The following CDH12 variants were observed in gnomAD, a reference collection of about 807,000 sequenced individuals.
CDH12 encodes cadherin 12.
Under a neutral mutation model 74.1 loss-of-function variants are expected in CDH12, and 41 were observed. The observed-to-expected ratio is 0.55, with a 90% CI of 0.43 to 0.72. The LOEUF is 0.72. CDH12 is among the 30% of genes least tolerant of loss of function. The pLI is 0.00. For synonymous variants in CDH12, 399 were observed against 355.0 expected (o/e 1.12, Z -1.39); for missense variants, 945 against 977.2 (o/e 0.97, Z 0.44).
intron 5 of CDH12, among the ~76,000 whole-genome samples, chr5:21,984,912 C>T (rs1410728483): frequency 6.6e-6 from 1 of 152,072 alleles, no homozygotes; most frequent in Non-Finnish European, 1.5e-5. Flanking sequence ...TATTTCAGCA[C>T]CAGTTTTCTG....
intron 4 of CDH12, among the ~76,000 whole-genome samples, chr5:22,088,223 T>G (rs1180314991): frequency 6.6e-6 from 1 of 152,146 alleles, no homozygotes; most frequent in African/African-American, 2.4e-5. Flanking sequence ...TGGTCTTAAG[T>G]GTATTCAGCA....
chr5:21,949,222 G>A lies in CDH12; in HGVS notation c.526+25869C>T, dbSNP rs868183861. 5.9e-5 allele frequency among the ~76,000 whole-genome samples: 9 copies of A among 151,738 alleles called. No homozygotes were observed. The East Asian group carries it at 1.4e-3, about 23-fold the overall frequency. Reference sequence around the variant, plus strand: ...TTATTAAAAGAAATAGGCCCGAGGCGGGCAGATCACGAGGTCAGGAGATCG... The same window carrying A: ...TTATTAAAAGAAATAGGCCCGAGGCAGGCAGATCACGAGGTCAGGAGATCG... On this transcript the variant is annotated intron_variant, in intron 6 of 14. Transcript: ENST00000382254.
At chr5:22,349,979 T>C (rs1188368440) in intron 3 of CDH12, among the ~76,000 whole-genome samples, 1 of 152,214 alleles carries the variant, frequency 6.6e-6, no homozygotes, top group Non-Finnish European at 1.5e-5. Flanking sequence ...GCAAACCTTT[T>C]GGGAGCAACA....
At chr5:22,149,041 C>T (rs1747400549) in intron 4 of CDH12, among the ~76,000 whole-genome samples, 1 of 152,096 alleles carries the variant, frequency 6.6e-6, no homozygotes, top group Non-Finnish European at 1.5e-5. Context: ...TGGCTTGAAC[C>T]CAGGAGGCAG....
chr5:22,078,854 T>G lies in CDH12; in HGVS notation c.-178A>C. 1 of 1,364,692 alleles carries G rather than the reference T, an allele frequency of 7.3e-7. No individual in the cohort carries two copies. The highest frequency in any genetic ancestry group is 3.3e-5 in the Admixed American group (1 of 30,218). 84.5% of individuals were successfully genotyped at this position (1,364,692 alleles called of 1,614,324 possible). ...GGCTTCTGCTGTATTATATTCCATCTAAAGGGGCCTATGAAATAGATGAAC... is the reference window on the plus strand; with the variant it reads ...GGCTTCTGCTGTATTATATTCCATCGAAAGGGGCCTATGAAATAGATGAAC... On this transcript the variant is annotated 5_prime_UTR_variant, in exon 5 of 15. Coordinates refer to ENST00000382254, the MANE Select transcript of CDH12 (RefSeq NM_004061.5).
chr5:21,804,914 A>AATT, intron 9 of CDH12, among the ~76,000 whole-genome samples: 1 of 152,254 alleles, frequency 6.6e-6, no homozygotes. Flanking sequence ...TGTAAGATAG[A>AATT]AGCGTGCACT....
intron 5 of CDH12, among the ~76,000 whole-genome samples, chr5:22,072,292 G>C (rs1741996371): frequency 6.6e-6 from 1 of 152,064 alleles, no homozygotes; most frequent in Non-Finnish European, 1.5e-5. Flanking sequence ...ACTCTAAGTA[G>C]TTGGCTTTAC....
intron 1 of CDH12, among the ~76,000 whole-genome samples, chr5:22,578,809 T>G (rs1162819600): frequency 6.6e-6 from 1 of 152,170 alleles, no homozygotes; most frequent in Non-Finnish European, 1.5e-5. Context: ...ATTAAACTGC[T>G]ATTTAACTTG....
intron 1 of CDH12, among the ~76,000 whole-genome samples, chr5:22,836,213 C>CTCTTTTTTTTTTTTT (rs1402972549): frequency 5.3e-5 from 2 of 37,956 alleles, no homozygotes; most frequent in Non-Finnish European, 5.3e-5. Context: ...TTCTTTTTTT[C>CTCTTTTTTTTTTTTT]TTTCTTTCTC....
chr5:21,954,910 A>G (rs1305269496), intron 6 of CDH12, among the ~76,000 whole-genome samples: 11 of 152,214 alleles, frequency 7.2e-5, no homozygotes, highest in Admixed American at 4.6e-4. Context: ...AAAACTTATG[A>G]GATAGATGAA....
chr5:22,293,475 C>T (rs1737490171), intron 3 of CDH12, among the ~76,000 whole-genome samples: 1 of 152,012 alleles, frequency 6.6e-6, no homozygotes, highest in Admixed American at 6.6e-5. Flanking sequence ...AGGTATATAT[C>T]CAAAGAAAAT....
At chr5:22,138,845 A>AATATATATATATATAC (rs551552560) in intron 4 of CDH12, among the ~76,000 whole-genome samples, 2 of 76,552 alleles carry the variant, frequency 2.6e-5, no homozygotes, top group African/African-American at 8.9e-5. Flanking sequence ...ATATATACGT[A>AATATATATATATATAC]ATATATATAT....
intron 6 of CDH12, among the ~76,000 whole-genome samples, chr5:21,933,302 A>C (rs1235485719): frequency 3.3e-5 from 5 of 152,152 alleles, no homozygotes; most frequent in Admixed American, 1.3e-4. Context: ...TATGAGACTA[A>C]TAGGCTGTAT....
chr5:21,850,191 GC>G (rs1750388273), intron 7 of CDH12, among the ~76,000 whole-genome samples: 1 of 151,464 alleles, frequency 6.6e-6, no homozygotes, highest in Non-Finnish European at 1.5e-5. Context: ...ATACAAAATA[GC>G]AAAAATACAA....
intron 5 of CDH12, among the ~76,000 whole-genome samples, chr5:22,054,954 T>G (rs2150198234): frequency 6.6e-6 from 1 of 152,288 alleles, no homozygotes; most frequent in Non-Finnish European, 1.5e-5. Flanking sequence ...AGTCATAACC[T>G]TTAAGGCCCA....
intron 3 of CDH12, among the ~76,000 whole-genome samples, chr5:22,295,582 T>C (rs995217753): frequency 1.3e-5 from 2 of 152,180 alleles, no homozygotes; most frequent in Non-Finnish European, 2.9e-5. Flanking sequence ...ATAGTGTTAT[T>C]TTAATGGAAG....
intron 5 of CDH12, among the ~76,000 whole-genome samples, chr5:21,993,906 AATC>A (rs1344351095): frequency 2.6e-5 from 4 of 152,200 alleles, no homozygotes; most frequent in Non-Finnish European, 4.4e-5. Flanking sequence ...TTTAAAAAGA[AATC>A]ATGCCTTAAG....
intron 3 of CDH12, among the ~76,000 whole-genome samples, chr5:22,297,390 T>C (rs1443705476): frequency 2.6e-5 from 4 of 152,230 alleles, no homozygotes; most frequent in Admixed American, 2.6e-4. Context: ...CTGTGTATTA[T>C]GTGTATTTCT....
At chr5:21,833,510 TG>T (rs1315438981) in intron 8 of CDH12, among the ~76,000 whole-genome samples, 3 of 137,094 alleles carry the variant, frequency 2.2e-5, no homozygotes, top group Admixed American at 1.6e-4. Flanking sequence ...ATATAATATA[TG>T]GCATATGTGA....
Sources: gnomAD v4.1 joint callset for allele counts (sites outside exome capture counted in the v4.1 genomes callset) on GRCh38, gnomAD v4.1.1 for gene constraint, MANE v1.5 for transcripts, NCBI Gene and HGNC (gene_info 2026-07-23, HGNC 2026-07-21) for gene names.